The following WDR20 variants were observed in gnomAD, a reference collection of about 807,000 sequenced individuals.
WDR20 encodes the protein WD repeat-containing protein 20.
WDR20 carries 3 observed loss-of-function variants against 38.7 expected under a neutral mutation model. The observed-to-expected ratio is 0.08, with a 90% CI of 0.04 to 0.20. The LOEUF is 0.20. WDR20 is among the 10% of genes least tolerant of loss of function. The probability of loss-of-function intolerance (pLI) is 1.00; values close to 1 mark genes in which losing one functional copy is unlikely to be tolerated. For missense variants in WDR20, 559 were observed against 727.7 expected, an observed-to-expected ratio of 0.77 and a Z score of 2.67; for synonymous variants, 298 against 285.6, an observed-to-expected ratio of 1.04 and a Z score of -0.44.
chr14:102,203,883 T>A (rs2060998693), intron 2 of WDR20, among the ~76,000 whole-genome samples: 1 of 152,224 alleles, frequency 6.6e-6, no homozygotes, highest in Admixed American at 6.5e-5. Flanking sequence ...GAAACTGGAC[T>A]GCATAATTTT....
downstream of WDR20, chr14:102,213,691 C>T (rs1353807488): frequency 1.0e-6 from 1 of 985,304 alleles, no homozygotes; most frequent in Non-Finnish European, 1.2e-6. Flanking sequence ...TCCTCCACTT[C>T]CTGGGGTTCA....
In WDR20 at chr14:102,165,636, C is replaced by CT. The variant is rs398026421; in HGVS notation, c.249+25481dup. Among the ~76,000 whole-genome samples the CT allele has an allele frequency of 6.9e-3, 889 of 129,322 alleles. 7 individuals carry two copies. The highest frequency in any genetic ancestry group is 0.012 in the Middle Eastern group (3 of 242). The allele number at this position is 129,322 out of a possible 152,430, so 84.8% of individuals were successfully genotyped here. ...TTTTTGTTTCTTTTTCTTTTCTTTT[C>CT]TTTTTTTTTTTTTTTTTGGAGACAG... On this transcript the variant is annotated intron_variant, in intron 1 of 2. Coordinates refer to ENST00000342702, the MANE Select transcript of WDR20 (RefSeq NM_144574.4).
At chr14:102,197,969 C>A in intron 2 of WDR20, 1 of 569,732 alleles carries the variant, frequency 1.8e-6, no homozygotes, top group Non-Finnish European at 3.2e-6. Flanking sequence ...CTCCTGTGAC[C>A]CCTCTCAGGA....
At chr14:102,190,839 GA>G (rs954305788) in intron 1 of WDR20, among the ~76,000 whole-genome samples, 1 of 151,828 alleles carries the variant, frequency 6.6e-6, no homozygotes, top group African/African-American at 2.4e-5. Context: ...TGTCTCTACT[GA>G]AAATACAAAA....
chr14:102,148,616 A>G (rs755265480), intron 1 of WDR20, among the ~76,000 whole-genome samples: 32 of 151,272 alleles, frequency 2.1e-4, no homozygotes, highest in Non-Finnish European at 3.8e-4. Context: ...ACTGCTGTCT[A>G]TTGTGGCGGA....
At position 102,208,435 on chromosome 14, in the gene WDR20, C is replaced by T. The variant is rs2061955486; in HGVS notation, c.433-168C>T. Among the ~76,000 whole-genome samples the T allele has an allele frequency of 1.3e-5, 2 of 152,212 alleles. No individual in the cohort carries two copies. The highest frequency in any genetic ancestry group is 4.8e-5 in the African/African-American group (2 of 41,458). On this transcript the variant is annotated intron_variant, in intron 2 of 2. Transcript: ENST00000342702. This position sits in a 1 kb window ranked among gnomAD's most constrained non-coding sequence, Gnocchi z 5.6. ...TTTAGAAAGTAATTCTAAATTACCC[C>T]AAAAGGGCCAAAACGCTCCTTGCTG...
intron 1 of WDR20, among the ~76,000 whole-genome samples, chr14:102,144,020 AT>A (rs2052573830): frequency 4.1e-5 from 2 of 48,804 alleles, no homozygotes; most frequent in Non-Finnish European, 5.8e-5. Context: ...CCACAAAAAA[AT>A]AATAAAAAAA....
At chr14:102,197,726 G>C (rs1023440531) in intron 2 of WDR20, 1 of 697,106 alleles carries the variant, frequency 1.4e-6, no homozygotes, top group Admixed American at 2.0e-5. Context: ...TTAATGAAGG[G>C]AGTGACAGGA....
At position 102,197,959 on chromosome 14, in the gene WDR20, C is replaced by G; in HGVS notation, c.432+2839C>G. The stretch of plus-strand genomic sequence containing the variant: ...TCTGCAGCAGTGGGCAAAACCTGCC[C>G]TCCTGTGACCCCTCTCAGGAGGGAA... On this transcript the variant is annotated intron_variant, in intron 2 of 2. Coordinates refer to ENST00000342702, the MANE Select transcript of WDR20 (RefSeq NM_144574.4). 6.9e-6 allele frequency: 4 copies of G among 580,668 alleles called. No homozygotes were observed. In the South Asian group the frequency reaches 8.7e-5, roughly 13 times the overall value. The allele number at this position is 580,668 out of a possible 1,614,324, so 36.0% of individuals were successfully genotyped here.
rs767892310 is a variant in WDR20, at chr14:102,208,770, C to T, written c.600C>T (p.Ala200=). 5.0e-5 allele frequency: 80 copies of T among 1,614,114 alleles called. No homozygotes were observed. The highest frequency in any genetic ancestry group is 2.9e-4 in the African/African-American group (22 of 74,934). ...YQLLKQGESF[A]VHTCKSKSTR... ...TTCTGAAGCAGGGAGAGAGCTTTGC[C>T]GTGCACACTTGCAAGAGCAAATCCA... Residue 200 remains alanine, a synonymous_variant, in exon 3 of 3, where the codon GCC becomes GCT. Coordinates refer to ENST00000342702, the MANE Select transcript of WDR20 (RefSeq NM_144574.4). This position sits in a 1 kb window ranked among gnomAD's most constrained non-coding sequence, Gnocchi z 5.6.
chr14:102,213,495 T>C, downstream of WDR20: 1 of 985,188 alleles, frequency 1.0e-6, no homozygotes, highest in East Asian at 1.1e-4. Flanking sequence ...GCATGGAAAA[T>C]CAGAAAGGAG....
intron 1 of WDR20, among the ~76,000 whole-genome samples, chr14:102,149,996 G>A (rs962606391): frequency 1.3e-5 from 2 of 152,052 alleles, no homozygotes; most frequent in African/African-American, 2.4e-5. Context: ...CCCAGACGTC[G>A]ATTCTATTTT....
At chr14:102,177,053 G>A (rs1034666581) in intron 1 of WDR20, among the ~76,000 whole-genome samples, 1 of 152,102 alleles carries the variant, frequency 6.6e-6, no homozygotes, top group Non-Finnish European at 1.5e-5. Flanking sequence ...CTACCATGTG[G>A]CTAACTTGCC....
chr14:102,153,525 C>G (rs921292253), intron 1 of WDR20, among the ~76,000 whole-genome samples: 25 of 151,988 alleles, frequency 1.6e-4, no homozygotes, highest in African/African-American at 5.6e-4. Context: ...CCAGGATGGT[C>G]TCGATTTCCT....
intron 1 of WDR20, among the ~76,000 whole-genome samples, chr14:102,156,271 C>T (rs2057363963): frequency 1.3e-5 from 2 of 151,594 alleles, no homozygotes; most frequent in Non-Finnish European, 2.9e-5. Flanking sequence ...GGGTTCACGC[C>T]ATTCTCCTGC....
At chr14:102,194,703 G>A (rs2059125254) in intron 1 of WDR20, among the ~76,000 whole-genome samples, 1 of 152,290 alleles carries the variant, frequency 6.6e-6, no homozygotes, top group Admixed American at 6.5e-5. Context: ...AGGAGAATAA[G>A]TTGTGAAAGT....
chr14:102,141,905 T>C (rs898528166), intron 1 of WDR20, among the ~76,000 whole-genome samples: 1 of 152,168 alleles, frequency 6.6e-6, no homozygotes, highest in Admixed American at 6.6e-5. Context: ...ATGTAGGAAT[T>C]ACTTAAAAAT....
At chr14:102,174,305 T>C (rs2061599371) in intron 1 of WDR20, among the ~76,000 whole-genome samples, 1 of 152,198 alleles carries the variant, frequency 6.6e-6, no homozygotes, top group South Asian at 2.1e-4. Flanking sequence ...TTTAGTTCTT[T>C]AAGGAATCTC....
chr14:102,177,476 A>C (rs2062405087), intron 1 of WDR20, among the ~76,000 whole-genome samples: 1 of 152,136 alleles, frequency 6.6e-6, no homozygotes, highest in Non-Finnish European at 1.5e-5. Context: ...AAGGGAGTCT[A>C]CTAGCTATGA....
Sources: allele counts gnomAD v4.1 joint callset (sites outside exome capture counted in the v4.1 genomes callset), GRCh38; gene constraint gnomAD v4.1.1; non-coding constraint Gnocchi (gnomAD v3.1); transcripts MANE v1.5; gene names NCBI Gene and HGNC (gene_info 2026-07-23, HGNC 2026-07-21).